ABLIM1: variants seen among roughly 807,000 people sequenced by gnomAD.
ABLIM1 encodes actin-binding LIM protein 1.
Under a neutral mutation model 107.0 loss-of-function variants are expected in ABLIM1, and 40 were observed. The observed-to-expected ratio is 0.37, with a 90% CI of 0.29 to 0.49. The LOEUF is 0.49. Among genes scored for constraint, ABLIM1 ranks in the 20% least tolerant of loss-of-function variants. ABLIM1 has a pLI of 0.97. For missense variants in ABLIM1, 857 were observed against 1,008.5 expected (o/e 0.85, Z 2.04); for synonymous variants, 357 against 357.3 (o/e 1.00, Z 0.01).
chr10:114,463,022 C>T, intron 12 of ABLIM1: 1 of 1,318,852 alleles, frequency 7.6e-7, no homozygotes, highest in Non-Finnish European at 1.0e-6. Flanking sequence ...CAGGGTGCTG[C>T]CTGGAGAAAC....
rs146676406 is a variant in ABLIM1 at position 114,516,521 on chromosome 10, C to T, written c.895-24643G>A. Among the ~76,000 whole-genome samples the T allele has an allele frequency of 4.9e-3, 744 of 152,196 alleles. 4 individuals are homozygous for T. The highest frequency in any genetic ancestry group is 0.017 in the African/African-American group (698 of 41,530). The stretch of plus-strand genomic sequence containing the variant: ...CCTGGGTGACAGAGCAAGACTCTGT[C>T]TCCAAAAAAAGCCAAAACAACAAAA... On this transcript the variant is annotated intron_variant, in intron 6 of 22. Transcript: ENST00000533213.
chr10:114,629,700 T>G lies in ABLIM1; in HGVS notation c.245-27739A>C, dbSNP rs1326140201. Among the ~76,000 whole-genome samples the G allele has an allele frequency of 6.6e-6, 1 of 152,186 alleles. No homozygotes were observed. Among genetic ancestry groups the G allele is most frequent in the East Asian group, 1.9e-4 (1 of 5,192 alleles). On this transcript the variant is annotated intron_variant, in intron 1 of 22. Transcript: ENST00000533213. This position sits in a 1 kb window ranked among gnomAD's most constrained non-coding sequence, Gnocchi z 4.0. The stretch of plus-strand genomic sequence containing the variant: ...ATCTGCTGTGTGACCTTCAGCAACC[T>G]ACTTACCCTTTCTGATCCCCAGTTT...
At position 114,764,444 on chromosome 10, in the gene ABLIM1, C is replaced by T. The variant is rs750864205; in HGVS notation, c.-213+3617G>A. Reference sequence around the variant, plus strand: ...CTGGAGTGCAAAGTCGCAATATCAGCGATTCTCATGCCTCAGCCTCCCGAG... The same window carrying T: ...CTGGAGTGCAAAGTCGCAATATCAGTGATTCTCATGCCTCAGCCTCCCGAG... On this transcript the variant is annotated intron_variant, in intron 1 of 15. Coordinates refer to the ABLIM1 transcript ENST00000651092. Among the ~76,000 whole-genome samples, 6 of 152,290 alleles carry T rather than the reference C, an allele frequency of 3.9e-5. No homozygotes were observed. In the East Asian group the frequency reaches 1.2e-3, roughly 29 times the overall value.
intron 1 of ABLIM1, among the ~76,000 whole-genome samples, chr10:114,672,595 A>T (rs1198276167): frequency 6.6e-6 from 1 of 152,206 alleles, no homozygotes. Flanking sequence ...CATGTTCTTA[A>T]TGATGTCCTT....
chr10:114,708,238 C>T lies in ABLIM1; in HGVS notation c.-213+59823G>A, dbSNP rs575528383. Among the ~76,000 whole-genome samples, 79 of 152,336 alleles carry T rather than the reference C, an allele frequency of 5.2e-4. 2 individuals are homozygous for T. Among genetic ancestry groups the T allele is most frequent in the African/African-American group, 1.8e-3 (73 of 41,578 alleles). On this transcript the variant is annotated intron_variant, in intron 1 of 15. Coordinates refer to the ABLIM1 transcript ENST00000651092. ...ACATTCTGAAACAAAACGACCTCAA[C>T]AGGCACCATTCCAAGGCTGTAATTA...
intron 1 of ABLIM1, among the ~76,000 whole-genome samples, chr10:114,664,440 A>C (rs188848570): frequency 6.6e-6 from 1 of 152,330 alleles, no homozygotes; most frequent in African/African-American, 2.4e-5. Context: ...TACAGCAGTA[A>C]AAGTTTGGGG....
intron 1 of ABLIM1, among the ~76,000 whole-genome samples, chr10:114,726,167 T>C (rs548754770): frequency 9.0e-6 from 1 of 111,640 alleles, no homozygotes; most frequent in East Asian, 2.2e-4. Context: ...TTTTAGGGAA[T>C]AGGTTTAGAA....
At chr10:114,674,539 C>T (rs1391830013) in intron 1 of ABLIM1, among the ~76,000 whole-genome samples, 2 of 152,120 alleles carry the variant, frequency 1.3e-5, no homozygotes, top group South Asian at 2.1e-4. Context: ...AGATTTACCA[C>T]GAAGTTGGGA....
At chr10:114,444,517 A>C (rs997862322) in intron 16 of ABLIM1, among the ~76,000 whole-genome samples, 1 of 152,210 alleles carries the variant, frequency 6.6e-6, no homozygotes, top group African/African-American at 2.4e-5. Flanking sequence ...GTTTAAAAAC[A>C]AGAAATAAAG....
In ABLIM1 at chr10:114,697,372, T is replaced by G. The variant is rs117102461; in HGVS notation, c.-213+70689A>C. Among the ~76,000 whole-genome samples the G allele has an allele frequency of 5.9e-5, 9 of 152,220 alleles. 1 individual carries two copies. The highest frequency in any genetic ancestry group is 1.2e-4 in the Non-Finnish European group (8 of 68,030). ...GCAGCCTGCAAGGCTTCTCCTGCCC[T>G]GGGGCAAGTGGTGATCAGCCCTCAG... is the stretch of plus-strand genomic sequence containing the variant. On this transcript the variant is annotated intron_variant, in intron 1 of 15. Coordinates refer to the ABLIM1 transcript ENST00000651092.
intron 6 of ABLIM1, among the ~76,000 whole-genome samples, chr10:114,496,816 G>C (rs1025993434): frequency 3.9e-5 from 6 of 152,166 alleles, no homozygotes; most frequent in Admixed American, 2.0e-4. Flanking sequence ...TTGAGGAGTC[G>C]TTCTGTTTTT....
At position 114,707,018 on chromosome 10, in the gene ABLIM1, A is replaced by C. The variant is rs1222132696; in HGVS notation, c.-213+61043T>G. Among the ~76,000 whole-genome samples, 1 of 152,220 alleles carries C rather than the reference A, an allele frequency of 6.6e-6. No individual in the cohort carries two copies. The highest frequency in any genetic ancestry group is 6.5e-5 in the Admixed American group (1 of 15,284). On this transcript the variant is annotated intron_variant, in intron 1 of 15. Transcript: ENST00000651092. The surrounding 1 kb of genome is among the most constrained non-coding windows in gnomAD (Gnocchi z 4.1). ...AATGGAAATAGAATGTGATATACAA[A>C]TAATGTAATTTAAATTTGTCTAGTA...
At chr10:114,711,944 T>C (rs1302082052) in intron 1 of ABLIM1, among the ~76,000 whole-genome samples, 1 of 152,072 alleles carries the variant, frequency 6.6e-6, no homozygotes, top group African/African-American at 2.4e-5. Flanking sequence ...GGGGTTAGTC[T>C]CTAGGAGCAC....
intron 1 of ABLIM1, among the ~76,000 whole-genome samples, chr10:114,652,153 C>T (rs1273301971): frequency 6.6e-6 from 1 of 152,166 alleles, no homozygotes; most frequent in Non-Finnish European, 1.5e-5. Flanking sequence ...TTTTCCCTGA[C>T]ACAGACTCTC....
intron 12 of ABLIM1, among the ~76,000 whole-genome samples, chr10:114,457,321 G>A (rs187979429): frequency 6.6e-5 from 10 of 151,952 alleles, no homozygotes; most frequent in Admixed American, 5.9e-4. Flanking sequence ...CCAGGCTGTA[G>A]TGCAGTGGTG....
intron 1 of ABLIM1, among the ~76,000 whole-genome samples, chr10:114,705,903 T>C (rs1267122619): frequency 1.3e-5 from 2 of 152,214 alleles, no homozygotes; most frequent in African/African-American, 2.4e-5. Flanking sequence ...TCAAATTACT[T>C]GTTAATACAT....
chr10:114,502,560 G>A (rs933025277), intron 6 of ABLIM1, among the ~76,000 whole-genome samples: 4 of 151,858 alleles, frequency 2.6e-5, no homozygotes, highest in Admixed American at 6.6e-5. Flanking sequence ...GCAGTGGTGC[G>A]ATCTTGGCTC....
the ABLIM1 span, among the ~76,000 whole-genome samples, chr10:114,789,711 C>T: frequency 2.6e-5 from 4 of 151,576 alleles, no homozygotes; most frequent in African/African-American, 7.3e-5. Context: ...TTGTTGGCCA[C>T]ATGTATATCT....
intron 11 of ABLIM1, among the ~76,000 whole-genome samples, chr10:114,466,805 C>T (rs1401696123): frequency 6.6e-6 from 1 of 152,126 alleles, no homozygotes; most frequent in East Asian, 1.9e-4. Flanking sequence ...CATAGTACTA[C>T]TATTCATAAA....
Sources: gnomAD v4.1 joint callset for allele counts (sites outside exome capture counted in the v4.1 genomes callset) on GRCh38, gnomAD v4.1.1 for gene constraint, Gnocchi (gnomAD v3.1) non-coding constraint, MANE v1.5 for transcripts, NCBI Gene and HGNC (gene_info 2026-07-23, HGNC 2026-07-21) for gene names.